The following PPTC7 variants were observed in gnomAD, a reference collection of about 807,000 sequenced individuals.
PPTC7 encodes protein phosphatase PTC7 homolog.
In PPTC7, 6 loss-of-function variants were observed where a neutral mutation model predicts 30.8. The observed-to-expected ratio is 0.19, with a 90% CI of 0.11 to 0.38. The LOEUF is 0.38. Ranked by LOEUF, PPTC7 falls within the 10% of genes least tolerant of loss-of-function variation. The pLI is 1.00. For synonymous variants in PPTC7, 163 were observed against 168.1 expected (o/e 0.97, Z 0.23); for missense variants, 218 against 404.8 (o/e 0.54, Z 3.96).
At chr12:110,538,370 G>A in intron 4 of PPTC7, 97 bp from the exon 5 acceptor site, 1 of 1,203,330 alleles carries the variant, frequency 8.3e-7, no homozygotes, top group Non-Finnish European at 1.2e-6. Flanking sequence ...ATTCTAGTTA[G>A]AAAAGACATT....
intron 1 of PPTC7, among the ~76,000 whole-genome samples, chr12:110,554,993 C>T (rs1370845631): frequency 2.0e-5 from 3 of 152,088 alleles, no homozygotes; most frequent in African/African-American, 7.2e-5. Flanking sequence ...ATTTTTAAAA[C>T]TTTCTGAGCA....
intron 1 of PPTC7, among the ~76,000 whole-genome samples, chr12:110,565,534 C>T (rs1419547965): frequency 6.6e-6 from 1 of 152,196 alleles, no homozygotes; most frequent in Non-Finnish European, 1.5e-5. Flanking sequence ...GGATTACAGG[C>T]GTGAGCCACC....
chr12:110,560,394 CCT>C (rs1182131354), intron 1 of PPTC7, among the ~76,000 whole-genome samples: 1 of 149,982 alleles, frequency 6.7e-6, no homozygotes, highest in Non-Finnish European at 1.5e-5. Flanking sequence ...AGAGCGAGAC[CCT>C]GTCTCAAAAA....
At chr12:110,540,455 G>A (rs1271073193) in intron 3 of PPTC7, among the ~76,000 whole-genome samples, 3 of 151,518 alleles carry the variant, frequency 2.0e-5, no homozygotes, top group African/African-American at 7.3e-5. Context: ...CCAAGTAGCT[G>A]GGACTACAGG....
At chr12:110,569,160 C>T (rs975741534) in intron 1 of PPTC7, among the ~76,000 whole-genome samples, 2 of 151,798 alleles carry the variant, frequency 1.3e-5, no homozygotes, top group Admixed American at 6.6e-5. Context: ...TGGTGAAACC[C>T]CATCTCTACT....
chr12:110,581,518 A>C (rs2064637178), intron 1 of PPTC7, among the ~76,000 whole-genome samples: 1 of 152,154 alleles, frequency 6.6e-6, no homozygotes, highest in Non-Finnish European at 1.5e-5. Flanking sequence ...GATTTGTACA[A>C]TTTCAATCTG....
At chr12:110,579,818 G>T (rs1238614932) in intron 1 of PPTC7, among the ~76,000 whole-genome samples, 1 of 152,122 alleles carries the variant, frequency 6.6e-6, no homozygotes, top group Non-Finnish European at 1.5e-5. Context: ...TTCGAGTACA[G>T]CCTGGCCAAC....
chr12:110,537,624 G>C lies in PPTC7; in HGVS notation c.856+520C>G, dbSNP rs138754266. ...GCTAGCACCAACATGTCCCAGCCCT[G>C]AGACGGAGCCACTGGCCTGCTCCCA... is the stretch of plus-strand genomic sequence containing the variant. On this transcript the variant is annotated intron_variant, in intron 5 of 5. Coordinates refer to ENST00000354300, the MANE Select transcript of PPTC7 (RefSeq NM_139283.2). 7.2e-3 allele frequency among the ~76,000 whole-genome samples: 1,092 copies of C among 152,258 alleles called. 6 individuals are homozygous for C. The highest frequency in any genetic ancestry group is 0.013 in the Non-Finnish European group (869 of 68,008).
chr12:110,542,610 G>A (rs1438799030), intron 3 of PPTC7, among the ~76,000 whole-genome samples: 7 of 144,848 alleles, frequency 4.8e-5, no homozygotes, highest in African/African-American at 1.8e-4. Flanking sequence ...GGCAGCAGTA[G>A]CAGTGAGCCG....
At position 110,535,488 on chromosome 12, in the gene PPTC7, T is replaced by C. The variant is rs527585708; in HGVS notation, c.*1549A>G. ...AGTTACTCAAATATACAGTACAAAT[T>C]CACAAAACAAAATCTTTTAAAACAA... is the stretch of plus-strand genomic sequence containing the variant. On this transcript the variant is annotated 3_prime_UTR_variant, in exon 6 of 6. Coordinates refer to ENST00000354300, the MANE Select transcript of PPTC7 (RefSeq NM_139283.2). The C allele has an allele frequency of 2.6e-5, 4 of 152,600 alleles. No individual in the cohort carries two copies. The East Asian group carries it at 5.8e-4, about 22-fold the overall frequency. The allele number at this position is 152,600 out of a possible 1,614,324, so 9.5% of individuals were successfully genotyped here. A position where few individuals can be genotyped will look rare whatever the true frequency, so the allele number is the denominator to read the frequency against.
At chr12:110,561,992 A>G (rs971910334) in intron 1 of PPTC7, among the ~76,000 whole-genome samples, 7 of 152,124 alleles carry the variant, frequency 4.6e-5, no homozygotes, top group African/African-American at 1.7e-4. Context: ...CAAGACTGTG[A>G]AATGTTGTAT....
At chr12:110,544,849 A>G (rs1034767554) in intron 3 of PPTC7, among the ~76,000 whole-genome samples, 1 of 152,074 alleles carries the variant, frequency 6.6e-6, no homozygotes, top group Non-Finnish European at 1.5e-5. Context: ...AGGGGCGGGG[A>G]AAAAAAGCAG....
rs539566531 is a variant in PPTC7, at chr12:110,555,702, C to G, written c.224-3734G>C. 6.0e-4 allele frequency among the ~76,000 whole-genome samples: 92 copies of G among 152,110 alleles called. 2 individuals carry two copies. The Middle Eastern group carries it at 0.01, about 17-fold the overall frequency. ...TGAGGGGTGAGGGAAAGAGAAGCAACCGGGCTAACTAGGGATCTATCTTAC... is the reference window on the plus strand; with the variant it reads ...TGAGGGGTGAGGGAAAGAGAAGCAAGCGGGCTAACTAGGGATCTATCTTAC... On this transcript the variant is annotated intron_variant, in intron 1 of 5. Coordinates refer to ENST00000354300, the MANE Select transcript of PPTC7 (RefSeq NM_139283.2).
intron 1 of PPTC7, among the ~76,000 whole-genome samples, chr12:110,573,052 G>C (rs1426227854): frequency 1.3e-5 from 2 of 152,050 alleles, no homozygotes; most frequent in African/African-American, 4.8e-5. Flanking sequence ...GCTAATTTTT[G>C]TATTTTCAGT....
At chr12:110,544,713 A>G (rs1044457519) in intron 3 of PPTC7, among the ~76,000 whole-genome samples, 7 of 152,124 alleles carry the variant, frequency 4.6e-5, no homozygotes, top group Non-Finnish European at 1.0e-4. Flanking sequence ...GGGCACCTGT[A>G]ATCCCAGCTA....
intron 1 of PPTC7, among the ~76,000 whole-genome samples, chr12:110,561,132 C>T (rs143975719): frequency 6.8e-4 from 103 of 152,250 alleles, no homozygotes; most frequent in African/African-American, 2.4e-3. Flanking sequence ...TATTGCAGTA[C>T]GACAGGCATC....
intron 1 of PPTC7, 67 bp from the exon 2 acceptor site, chr12:110,552,035 G>A: frequency 1.5e-6 from 2 of 1,327,960 alleles, no homozygotes; most frequent in Non-Finnish European, 2.1e-6. Flanking sequence ...TCTTACCTCT[G>A]TTTTCTCCTA....
At chr12:110,569,665 G>C (rs1334999556) in intron 1 of PPTC7, among the ~76,000 whole-genome samples, 1 of 152,104 alleles carries the variant, frequency 6.6e-6, no homozygotes, top group East Asian at 1.9e-4. Context: ...ATTCACTTAG[G>C]AAAAGAAAAC....
chr12:110,540,045 C>A, intron 3 of PPTC7, 100 bp from the exon 4 acceptor site: 1 of 1,013,204 alleles, frequency 9.9e-7, no homozygotes, highest in South Asian at 2.9e-5. Context: ...AAGCTTTCTG[C>A]AAGAAAAACT....
Sources: gnomAD v4.1 joint callset for allele counts (sites outside exome capture counted in the v4.1 genomes callset) on GRCh38, gnomAD v4.1.1 for gene constraint, MANE v1.5 for transcripts, NCBI Gene and HGNC (gene_info 2026-07-23, HGNC 2026-07-21) for gene names.